Variants in CDC42BPA observed in about 807,000 individuals in gnomAD.
The protein encoded by CDC42BPA is serine/threonine-protein kinase MRCK alpha.
Under a neutral mutation model 223.5 loss-of-function variants are expected in CDC42BPA, and 80 were observed. The observed-to-expected ratio is 0.36, with a 90% CI of 0.30 to 0.43. CDC42BPA has a LOEUF of 0.43. Among genes scored for constraint, CDC42BPA ranks in the 20% least tolerant of loss-of-function variants. The pLI, the probability that CDC42BPA is intolerant of heterozygous loss-of-function variation, is 1.00. For missense variants in CDC42BPA, 1,743 were observed against 2,099.9 expected (o/e 0.83, Z 3.32); for synonymous variants, 694 against 718.6 (o/e 0.97, Z 0.55).
chr1:227,095,641 G>GA (rs1171046212), intron 15 of CDC42BPA, among the ~76,000 whole-genome samples: 4 of 149,526 alleles, frequency 2.7e-5, no homozygotes. Context: ...TCCCAGGCTG[G>GA]AGTGCAGTGG....
chr1:227,169,008 C>A (rs1449589778), intron 5 of CDC42BPA, among the ~76,000 whole-genome samples: 2 of 152,098 alleles, frequency 1.3e-5, no homozygotes, highest in Non-Finnish European at 2.9e-5. Context: ...TCAATAACTT[C>A]TGGCTTATTT....
chr1:227,063,729 A>G (rs1321265780), intron 21 of CDC42BPA, among the ~76,000 whole-genome samples: 1 of 152,132 alleles, frequency 6.6e-6, no homozygotes, highest in Admixed American at 6.6e-5. Flanking sequence ...TGGTCATAGG[A>G]CTAAAAATCT....
intron 12 of CDC42BPA, among the ~76,000 whole-genome samples, chr1:227,115,717 TA>T (rs1687664746): frequency 6.6e-6 from 1 of 152,084 alleles, no homozygotes; most frequent in African/African-American, 2.4e-5. Context: ...ACACTGCAAC[TA>T]AATTAGAAGT....
intron 30 of CDC42BPA, among the ~76,000 whole-genome samples, 168 bp from the exon 31 acceptor site, chr1:227,026,320 A>G (rs1323373844): frequency 6.6e-6 from 1 of 152,206 alleles, no homozygotes; most frequent in African/African-American, 2.4e-5. Flanking sequence ...CAGAACATAT[A>G]TCGTAAATGA....
intron 21 of CDC42BPA, among the ~76,000 whole-genome samples, chr1:227,053,260 T>C (rs55903732): frequency 8.5e-5 from 13 of 152,278 alleles, no homozygotes; most frequent in African/African-American, 1.2e-4. Context: ...ATGGGAAGAA[T>C]AGGCTAGCAG....
At chr1:227,193,670 T>G in intron 5 of CDC42BPA, 116 bp downstream of exon 5, 1 of 835,464 alleles carries the variant, frequency 1.2e-6, no homozygotes, top group Non-Finnish European at 1.8e-6. Context: ...ATAATTTTTT[T>G]TGGTTGACGA....
At chr1:227,100,775 T>TGTGTGTGC (rs1222318332) in intron 15 of CDC42BPA, among the ~76,000 whole-genome samples, 1 of 124,324 alleles carries the variant, frequency 8.0e-6, no homozygotes, top group Admixed American at 9.1e-5. Flanking sequence ...TGTGTGTGTG[T>TGTGTGTGC]GTGCGTGTGC....
intron 5 of CDC42BPA, among the ~76,000 whole-genome samples, chr1:227,162,123 T>C (rs1014027296): frequency 2.6e-5 from 4 of 152,152 alleles, no homozygotes; most frequent in African/African-American, 9.7e-5. Context: ...TCTTAGATTG[T>C]AAAGGAGATT....
intron 2 of CDC42BPA, among the ~76,000 whole-genome samples, chr1:227,237,848 T>C (rs959612637): frequency 6.6e-6 from 1 of 151,670 alleles, no homozygotes; most frequent in Non-Finnish European, 1.5e-5. Flanking sequence ...GAGACCAGCC[T>C]GACCAACATG....
chr1:227,109,164 A>C (rs1201231529), intron 14 of CDC42BPA, among the ~76,000 whole-genome samples: 1 of 152,196 alleles, frequency 6.6e-6, no homozygotes, highest in East Asian at 1.9e-4. Flanking sequence ...GTGAGTGAAC[A>C]TGAAGGCCTA....
intron 12 of CDC42BPA, among the ~76,000 whole-genome samples, chr1:227,117,423 C>T (rs944589599): frequency 6.6e-6 from 1 of 151,986 alleles, no homozygotes; most frequent in African/African-American, 2.4e-5. Flanking sequence ...CTCAAGTGAA[C>T]CTCCTGCCTC....
intron 12 of CDC42BPA, 96 bp downstream of exon 12, chr1:227,119,708 T>C (rs1688324177): frequency 1.3e-5 from 10 of 785,508 alleles, no homozygotes; most frequent in South Asian, 3.1e-5. Flanking sequence ...AAATATACTA[T>C]GTATTATTGT....
At chr1:227,197,742 CT>C (rs745309927) in intron 4 of CDC42BPA, among the ~76,000 whole-genome samples, 103 of 152,116 alleles carry the variant, frequency 6.8e-4, no homozygotes, top group Middle Eastern at 3.4e-3. Context: ...ACAGAATACA[CT>C]GTCATAGTGG....
At chr1:227,168,513 T>TTTTTTTTTTTTTTTTTTTTTTG (rs57522937) in intron 5 of CDC42BPA, among the ~76,000 whole-genome samples, 1 of 145,740 alleles carries the variant, frequency 6.9e-6, no homozygotes, top group Admixed American at 6.8e-5. Context: ...TTTTTTTTTT[T>TTTTTTTTTTTTTTTTTTTTTTG]GAGGCAGAGT....
At chr1:227,187,485 A>G (rs1395980383) in intron 5 of CDC42BPA, among the ~76,000 whole-genome samples, 2 of 22,938 alleles carry the variant, frequency 8.7e-5, no homozygotes, top group Non-Finnish European at 1.9e-4. Flanking sequence ...AGAAGACTGG[A>G]AAAAAAAAAA....
At chr1:227,056,037 A>C (rs1263137222) in intron 21 of CDC42BPA, among the ~76,000 whole-genome samples, 1 of 152,202 alleles carries the variant, frequency 6.6e-6, no homozygotes, top group Non-Finnish European at 1.5e-5. Context: ...ACAGTAGTAC[A>C]TTTAAAAAGG....
At chr1:227,191,969 TA>T (rs60130170) in intron 5 of CDC42BPA, among the ~76,000 whole-genome samples, 16 of 148,114 alleles carry the variant, frequency 1.1e-4, no homozygotes, top group East Asian at 5.9e-4. Flanking sequence ...AAATTTAAAT[TA>T]AAAAAAAAAA....
chr1:227,092,376 C>A (rs1173952396), intron 15 of CDC42BPA, among the ~76,000 whole-genome samples: 1 of 152,034 alleles, frequency 6.6e-6, no homozygotes, highest in Non-Finnish European at 1.5e-5. Context: ...TATGGCAATG[C>A]AAAAAGTATT....
chr1:227,170,622 C>T (rs1484512491), intron 5 of CDC42BPA, among the ~76,000 whole-genome samples: 1 of 152,142 alleles, frequency 6.6e-6, no homozygotes, highest in Non-Finnish European at 1.5e-5. Context: ...TTACAGAGAG[C>T]CTCTTTAAAC....
Sources: allele counts gnomAD v4.1 joint callset (sites outside exome capture counted in the v4.1 genomes callset), GRCh38; gene constraint gnomAD v4.1.1; transcripts MANE v1.5; gene names NCBI Gene and HGNC (gene_info 2026-07-23, HGNC 2026-07-21).